RABEP1: variants seen among roughly 807,000 people sequenced by gnomAD.
RABEP1 encodes the protein rab GTPase-binding effector protein 1.
A neutral mutation model predicts 123.4 loss-of-function variants in RABEP1; 51 were observed. The observed-to-expected ratio is 0.41, with a 90% CI of 0.33 to 0.52. The LOEUF (loss-of-function observed/expected upper bound fraction) is 0.52. Among genes scored for constraint, RABEP1 ranks in the 20% least tolerant of loss-of-function variants. The pLI, the probability that RABEP1 is intolerant of heterozygous loss-of-function variation, is 0.16. For missense variants in RABEP1, 888 were observed against 996.3 expected (o/e 0.89, Z 1.46); for synonymous variants, 347 against 355.2 (o/e 0.98, Z 0.26).
At chr17:5,372,849 G>A (rs1277562319) in intron 12 of RABEP1, among the ~76,000 whole-genome samples, 1 of 151,984 alleles carries the variant, frequency 6.6e-6, no homozygotes, top group Non-Finnish European at 1.5e-5. Flanking sequence ...TCCGCCTCCT[G>A]GGTTCAAGCG....
Position 5,335,212 on chromosome 17 carries a change from C to T in RABEP1, c.396C>T (p.Phe132=). ...CAGTTCGTGACTATGAGCACCAGTT[C>T]CACCTTAGGCTGGAGCAGGAGCGAA... ...KETVRDYEHQ[F]HLRLEQERTQ... is the part of the protein sequence containing the mutation. Residue 132 remains phenylalanine, a synonymous_variant, in exon 4 of 18, where the codon TTC becomes TTT. Coordinates refer to ENST00000537505, the MANE Select transcript of RABEP1 (RefSeq NM_004703.6). 4 of 1,612,402 alleles carry T rather than the reference C, an allele frequency of 2.5e-6. No individual in the cohort carries two copies. Among genetic ancestry groups the T allele is most frequent in the South Asian group, 1.1e-5 (1 of 90,858 alleles).
Position 5,344,656 on chromosome 17 carries a change from C to T in RABEP1, c.649-2134C>T, listed in dbSNP as rs1362960969. On this transcript the variant is annotated intron_variant, in intron 5 of 17. Transcript: ENST00000537505. The stretch of plus-strand genomic sequence containing the variant: ...GCGTGGTGGCGGGCACCTGTAGTCC[C>T]AGCTACTTGGGAGGCTGAGTCAGGA... Among the ~76,000 whole-genome samples the T allele has an allele frequency of 5.3e-5, 8 of 151,052 alleles. No individual in the cohort carries two copies. In the East Asian group the frequency reaches 1.6e-3, roughly 29 times the overall value.
chr17:5,329,611 C>G (rs1906324380), intron 2 of RABEP1, among the ~76,000 whole-genome samples: 1 of 151,924 alleles, frequency 6.6e-6, no homozygotes, highest in Admixed American at 6.6e-5. Context: ...TGTAGTATAC[C>G]CTCAACTTTT....
chr17:5,322,943 G>T (rs1325499148), intron 2 of RABEP1, among the ~76,000 whole-genome samples: 2 of 152,124 alleles, frequency 1.3e-5, no homozygotes, highest in Non-Finnish European at 2.9e-5. Context: ...GGGCATGGTG[G>T]TGCACACCTG....
intron 1 of RABEP1, among the ~76,000 whole-genome samples, chr17:5,287,786 CCT>C (rs2074994013): frequency 6.6e-6 from 1 of 151,898 alleles, no homozygotes; most frequent in South Asian, 2.1e-4. Flanking sequence ...ATGGCCTGTG[CCT>C]CTAGTCCCAG....
In RABEP1 at chr17:5,373,474, A is replaced by G. The variant is rs143173448; in HGVS notation, c.2025+20A>G. 472 of 1,579,060 alleles carry G rather than the reference A, an allele frequency of 3.0e-4. 5 individuals carry two copies. The East Asian group carries it at 0.011, about 35-fold the overall frequency. ...ACAGAGGTAACTTACTTTCCACATG[A>G]TCAAAAATGTCAACAAGTACGTTTT... On this transcript the variant is annotated intron_variant, in intron 13 of 17. Coordinates refer to ENST00000537505, the MANE Select transcript of RABEP1 (RefSeq NM_004703.6).
chr17:5,341,478 T>C (rs1344974174), intron 5 of RABEP1, among the ~76,000 whole-genome samples: 2 of 152,242 alleles, frequency 1.3e-5, no homozygotes, highest in Admixed American at 6.5e-5. Context: ...TTGCCTCCTC[T>C]CACCAAAAGA....
intron 1 of RABEP1, among the ~76,000 whole-genome samples, chr17:5,294,807 C>T (rs1438638185): frequency 6.6e-6 from 1 of 151,240 alleles, no homozygotes; most frequent in African/African-American, 2.4e-5. Flanking sequence ...GCCACCACGC[C>T]AGGCTAATTT....
At position 5,359,166 on chromosome 17, in the gene RABEP1, C is replaced by T. The variant is rs543052940; in HGVS notation, c.1096-2042C>T. 1.4e-4 allele frequency among the ~76,000 whole-genome samples: 21 copies of T among 151,180 alleles called. 1 individual carries two copies. The South Asian group carries it at 3.2e-3, about 23-fold the overall frequency. ...TCGGCTCACTGCAAGCTCCGCCTCC[C>T]GGGTTCACGCCATTCTCCTTCCTCA... On this transcript the variant is annotated intron_variant, in intron 8 of 17. Transcript: ENST00000537505.
rs1041901910 is a variant in RABEP1, at chr17:5,370,241, A to G, written c.1884+1773A>G. ...TTGTAGGTATATGATGTGTGTGTGT[A>G]CGTATGTCTTGGTTTGTGTTTTTTG... On this transcript the variant is annotated intron_variant, in intron 12 of 17. Coordinates refer to ENST00000537505, the MANE Select transcript of RABEP1 (RefSeq NM_004703.6). Among the ~76,000 whole-genome samples the G allele has an allele frequency of 5.9e-5, 9 of 152,136 alleles. No homozygotes were observed. The East Asian group carries it at 7.7e-4, about 13-fold the overall frequency.
intron 2 of RABEP1, among the ~76,000 whole-genome samples, chr17:5,325,335 C>T (rs891459498): frequency 4.6e-5 from 7 of 151,028 alleles, no homozygotes; most frequent in African/African-American, 1.2e-4. Flanking sequence ...AGCAAAACTC[C>T]GTCCAAAAAA....
intron 11 of RABEP1, among the ~76,000 whole-genome samples, chr17:5,367,902 C>T (rs568715886): frequency 6.6e-6 from 1 of 150,670 alleles, no homozygotes; most frequent in Non-Finnish European, 1.5e-5. Flanking sequence ...ATACAGGTGC[C>T]CGCCACCACA....
intron 2 of RABEP1, among the ~76,000 whole-genome samples, chr17:5,316,694 G>T (rs1179854902): frequency 1.3e-5 from 2 of 150,664 alleles, no homozygotes; most frequent in African/African-American, 4.9e-5. Context: ...TTAGCTGGGC[G>T]TGGTGGCAGG....
intron 1 of RABEP1, among the ~76,000 whole-genome samples, chr17:5,299,803 C>T (rs56748642): frequency 0.26 from 36,905 of 141,690 alleles, 4,839 homozygotes; most frequent in East Asian, 0.32. Context: ...GATCTCGGCT[C>T]ACTGCAACCT....
intron 4 of RABEP1, chr17:5,336,379 A>C (rs930962912): frequency 1.8e-5 from 8 of 434,296 alleles, no homozygotes; most frequent in Non-Finnish European, 3.2e-5. Context: ...AGCATGGTAC[A>C]TTTGTCACAG....
At position 5,377,258 on chromosome 17, in the gene RABEP1, T is replaced by C. The variant is rs548673483; in HGVS notation, c.2168T>C (p.Leu723Pro). The C allele has an allele frequency of 6.3e-7, 1 of 1,593,158 alleles. No homozygotes were observed. The highest frequency in any genetic ancestry group is 8.5e-7 in the Non-Finnish European group (1 of 1,175,304). Reference sequence around the variant, plus strand: ...GCAGAACAGTGTTTAAAAGAAAATCTTGAAGAAACTCTGCAACTAGAAATA... The same window carrying C: ...GCAGAACAGTGTTTAAAAGAAAATCCTGAAGAAACTCTGCAACTAGAAATA... The part of the protein sequence containing the change: ...IQAEQCLKEN[L>P]EETLQLEIEN... Residue 723 changes from leucine to proline, a missense_variant, in exon 14 of 18, where the codon CTT becomes CCT. Leu to Pro is a moderately conservative substitution (Grantham distance 98). Coordinates refer to ENST00000537505, the MANE Select transcript of RABEP1 (RefSeq NM_004703.6).
chr17:5,343,821 G>A (rs1290801246), intron 5 of RABEP1, among the ~76,000 whole-genome samples: 1 of 151,354 alleles, frequency 6.6e-6, no homozygotes. Flanking sequence ...GATTACAGGC[G>A]TGCACCACTG....
At chr17:5,335,779 T>C (rs115597435) in intron 4 of RABEP1, among the ~76,000 whole-genome samples, 2,487 of 151,994 alleles carry the variant, frequency 0.016, 54 homozygotes, top group African/African-American at 0.057. Flanking sequence ...CTTTCTCTCT[T>C]TTTTTTTAAT....
At chr17:5,297,125 T>C (rs1597330337) in intron 1 of RABEP1, among the ~76,000 whole-genome samples, 1 of 152,250 alleles carries the variant, frequency 6.6e-6, no homozygotes, top group East Asian at 1.9e-4. Flanking sequence ...CTTGCAATTA[T>C]GTCTTTATAC....
Sources: gnomAD v4.1 joint callset for allele counts (sites outside exome capture counted in the v4.1 genomes callset) on GRCh38, gnomAD v4.1.1 for gene constraint, MANE v1.5 for transcripts, NCBI Gene and HGNC (gene_info 2026-07-23, HGNC 2026-07-21) for gene names.